Variants in DNAH7 observed in about 807,000 individuals in gnomAD.
DNAH7 encodes dynein axonemal heavy chain 7, also known as axonemal beta dynein heavy chain 7.
In DNAH7, 397 loss-of-function variants were observed where a neutral mutation model predicts 444.6. The ratio of observed to expected loss-of-function variants is 0.89; its 90% CI spans 0.82 to 0.97. The LOEUF is 0.97. Ranked by LOEUF, DNAH7 falls within the 50% of genes least tolerant of loss-of-function variation. DNAH7 has a pLI of 0.00. For synonymous variants in DNAH7, 1,636 were observed against 1,624.4 expected, an observed-to-expected ratio of 1.01 and a Z score of -0.17; for missense variants, 4,902 against 4,800.8, an observed-to-expected ratio of 1.02 and a Z score of -0.62.
intron 55 of DNAH7, among the ~76,000 whole-genome samples, chr2:195,798,857 T>G (rs1428102414): frequency 2.0e-5 from 3 of 152,084 alleles, no homozygotes; most frequent in Non-Finnish European, 4.4e-5. Flanking sequence ...GAACATATTT[T>G]AATCTAATAC....
At chr2:195,906,590 A>C (rs1018045421) in intron 27 of DNAH7, 69 bp downstream of exon 27, 47 of 1,494,318 alleles carry the variant, frequency 3.1e-5, no homozygotes, top group African/African-American at 4.2e-5. Context: ...CACCACGCCC[A>C]GCTCTTTTCA....
rs189464286 is a variant in DNAH7, at chr2:196,041,575, T to C, written c.398+5777A>G. 1.1e-4 allele frequency among the ~76,000 whole-genome samples: 17 copies of C among 152,168 alleles called. 1 individual carries two copies. Among genetic ancestry groups the C allele is most frequent in the African/African-American group, 4.1e-4 (17 of 41,550 alleles). On this transcript the variant is annotated intron_variant, in intron 5 of 64. Transcript: ENST00000312428. ...AATAAAATGAAAATGGATTAAAGAC[T>C]TAAATCTAAGACCTGAAACTATGAA...
intron 63 of DNAH7, among the ~76,000 whole-genome samples, chr2:195,749,889 G>A (rs1425628297): frequency 6.6e-6 from 1 of 150,838 alleles, no homozygotes; most frequent in Non-Finnish European, 1.5e-5. Context: ...GCTAAATGAG[G>A]AGTTAATGGG....
chr2:195,878,493 G>A (rs1701185633), intron 36 of DNAH7, among the ~76,000 whole-genome samples: 1 of 152,086 alleles, frequency 6.6e-6, no homozygotes, highest in Non-Finnish European at 1.5e-5. Flanking sequence ...CCAGCTACTT[G>A]GGAGGCTGAA....
intron 21 of DNAH7, among the ~76,000 whole-genome samples, chr2:195,933,360 A>G (rs934807606): frequency 6.6e-6 from 1 of 152,156 alleles, no homozygotes; most frequent in Non-Finnish European, 1.5e-5. Context: ...AGGGATCTAG[A>G]ACTAGAAATA....
rs773825216 is a variant in DNAH7 at position 195,957,254 on chromosome 2, C to T, written c.3078+7G>A. On this transcript the variant is annotated splice_region_variant and intron_variant, in intron 19 of 64. Coordinates refer to ENST00000312428, the MANE Select transcript of DNAH7 (RefSeq NM_018897.3). ...ATAATGACATTTTTGGAGATTTTTTCACCTACCTGCATGACACTTCTCATT... is the reference window on the plus strand; with the variant it reads ...ATAATGACATTTTTGGAGATTTTTTTACCTACCTGCATGACACTTCTCATT... The T allele has an allele frequency of 1.3e-6, 2 of 1,484,802 alleles. No homozygotes were observed. Among genetic ancestry groups the T allele is most frequent in the East Asian group, 4.9e-5 (2 of 40,740 alleles). 92.0% of individuals were successfully genotyped at this position (1,484,802 alleles called of 1,614,324 possible).
chr2:195,926,848 C>T (rs1398227263), intron 21 of DNAH7, among the ~76,000 whole-genome samples: 2 of 151,606 alleles, frequency 1.3e-5, no homozygotes, highest in African/African-American at 4.8e-5. Context: ...TAATTTTAGC[C>T]AAAGACATCC....
intron 21 of DNAH7, among the ~76,000 whole-genome samples, chr2:195,931,206 T>G (rs1279963545): frequency 6.6e-6 from 1 of 152,264 alleles, no homozygotes; most frequent in East Asian, 1.9e-4. Context: ...AAATAAAAAT[T>G]TAGCTGCATA....
At chr2:195,812,376 C>G (rs757003612) in intron 51 of DNAH7, among the ~76,000 whole-genome samples, 3 of 152,056 alleles carry the variant, frequency 2.0e-5, no homozygotes, top group Non-Finnish European at 4.4e-5. Context: ...CAGGAAGAAC[C>G]CATTGGGTGG....
chr2:195,837,631 T>G (rs899887223), intron 47 of DNAH7, among the ~76,000 whole-genome samples: 1 of 152,152 alleles, frequency 6.6e-6, no homozygotes, highest in African/African-American at 2.4e-5. Flanking sequence ...AGCATGGGCA[T>G]AAATCCATGT....
intron 12 of DNAH7, chr2:195,995,577 G>T: frequency 3.3e-6 from 1 of 302,474 alleles, no homozygotes; most frequent in Admixed American, 4.4e-5. Flanking sequence ...ACCTGGCTCA[G>T]CAGGGGAAGA....
At chr2:195,749,830 T>C (rs1203704416) in intron 63 of DNAH7, among the ~76,000 whole-genome samples, 1 of 86,896 alleles carries the variant, frequency 1.2e-5, no homozygotes. Flanking sequence ...TGGGGACTGT[T>C]GTGGGGAAGG....
At position 195,872,276 on chromosome 2, in the gene DNAH7, C is replaced by G. The variant is rs369005299; in HGVS notation, c.6607G>C (p.Val2203Leu). ...TCATGAACCCAAAGACGTTTAATCA[C>G]TTCTGTGGTTTCTGTTGTTTCTGGT... ...SRPETTETTE[V>L]IKRLWVHEVL... The change falls in exon 40 of 65, where the codon GTG becomes CTG. Residue 2203 changes from valine (V) to leucine (L), a missense_variant. By Grantham distance (32) the Val-to-Leu change is conservative. Coordinates refer to ENST00000312428, the MANE Select transcript of DNAH7 (RefSeq NM_018897.3). The G allele has an allele frequency of 5.6e-6, 9 of 1,613,662 alleles. No individual in the cohort carries two copies. The highest frequency in any genetic ancestry group is 6.8e-6 in the Non-Finnish European group (8 of 1,179,840).
intron 1 of DNAH7, among the ~76,000 whole-genome samples, chr2:196,064,352 A>AAAT (rs1288017933): frequency 7.4e-5 from 11 of 148,460 alleles, no homozygotes; most frequent in African/African-American, 2.8e-4. Context: ...AATAAATAAT[A>AAAT]AATAATAAAT....
chr2:195,738,084 G>A lies in DNAH7; in HGVS notation c.11912C>T (p.Pro3971Leu). ...CTTATACAATGGAGCAACATAACTT[G>A]GCCGTTTTGGTATATCTGCCCTCTT... ...PCKRADIPKR[P>L]SYVAPLYKTS... The change falls in exon 65 of 65, where the codon CCA (proline) becomes CTA (leucine). Residue 3971 changes from proline (P) to leucine (L), a missense_variant. Transcript: ENST00000312428. 6.2e-7 allele frequency: 1 copy of A among 1,613,876 alleles called. No individual in the cohort carries two copies. Among genetic ancestry groups the A allele is most frequent in the South Asian group, 1.1e-5 (1 of 91,078 alleles).
In DNAH7 at chr2:195,777,963, C is replaced by T. The variant is rs114909276; in HGVS notation, c.10901G>A (p.Arg3634Gln). 3.1e-3 allele frequency: 4,960 copies of T among 1,613,150 alleles called. 134 individuals carry two copies. In the African/African-American group the frequency reaches 0.057, roughly 19 times the overall value. The change falls in exon 59 of 65, where the codon CGG becomes CAG. Residue 3634 changes from arginine to glutamine, a missense_variant. Coordinates refer to ENST00000312428, the MANE Select transcript of DNAH7 (RefSeq NM_018897.3). ...GTAATTGCATTCGCCAGTCATGTAC[C>T]GCAGAGCCTCATACGGCAGTTCCTA... is the stretch of plus-strand genomic sequence containing the variant. ...QYEELPYEAL[R>Q]YMTGECNYGG...
intron 20 of DNAH7, 119 bp downstream of exon 20, chr2:195,936,480 C>T (rs2125413092): frequency 3.4e-6 from 2 of 596,242 alleles, no homozygotes; most frequent in South Asian, 5.0e-5. Context: ...ATACTTGGAA[C>T]ATTCTTGTAG....
At chr2:195,756,540 A>T (rs1694080597) in intron 61 of DNAH7, among the ~76,000 whole-genome samples, 1 of 151,776 alleles carries the variant, frequency 6.6e-6, no homozygotes, top group African/African-American at 2.4e-5. Context: ...TTGAGACGGG[A>T]TCCTTCTCTA....
At chr2:195,862,713 T>A (rs1399642913) in intron 41 of DNAH7, among the ~76,000 whole-genome samples, 1 of 152,174 alleles carries the variant, frequency 6.6e-6, no homozygotes, top group Non-Finnish European at 1.5e-5. Context: ...ATACTGACAC[T>A]TTTTTGTCTT....
Sources: allele counts gnomAD v4.1 joint callset (sites outside exome capture counted in the v4.1 genomes callset), GRCh38; gene constraint gnomAD v4.1.1; transcripts MANE v1.5; gene names NCBI Gene and HGNC (gene_info 2026-07-23, HGNC 2026-07-21).